The following MMRN1 variants were observed in gnomAD, a reference collection of about 807,000 sequenced individuals.
MMRN1 encodes the protein multimerin-1.
Under a neutral mutation model 100.7 loss-of-function variants are expected in MMRN1, and 94 were observed. The observed-to-expected ratio is 0.93, with a 90% CI of 0.79 to 1.11. MMRN1 has a LOEUF of 1.11. Among genes scored for constraint, MMRN1 ranks in the 50% least tolerant of loss-of-function variants. MMRN1 has a pLI of 0.00. For missense variants in MMRN1, 1,606 were observed against 1,439.1 expected (o/e 1.12, Z -1.88); for synonymous variants, 575 against 505.0 (o/e 1.14, Z -1.86).
At chr4:89,913,008 T>A (rs1430937156) in intron 3 of MMRN1, among the ~76,000 whole-genome samples, 1 of 151,250 alleles carries the variant, frequency 6.6e-6, no homozygotes, top group Non-Finnish European at 1.5e-5. Flanking sequence ...GACTACAGAA[T>A]GAATATGTAC....
intron 1 of MMRN1, among the ~76,000 whole-genome samples, chr4:89,907,740 A>T (rs75260318): frequency 6.6e-6 from 1 of 150,886 alleles, no homozygotes; most frequent in East Asian, 1.9e-4. Context: ...TTTAATTCAC[A>T]TATTGTATAC....
intron 4 of MMRN1, among the ~76,000 whole-genome samples, chr4:89,925,537 T>C (rs1022291814): frequency 1.3e-5 from 2 of 150,246 alleles, no homozygotes; most frequent in African/African-American, 4.9e-5. Context: ...AATTAAAAAT[T>C]TAAGTGGTTT....
intron 1 of MMRN1, among the ~76,000 whole-genome samples, chr4:89,905,050 G>T (rs1054090461): frequency 6.6e-5 from 10 of 151,560 alleles, no homozygotes; most frequent in African/African-American, 2.4e-4. Context: ...GACTTATAGA[G>T]TTGAGAATGA....
intron 1 of MMRN1, among the ~76,000 whole-genome samples, chr4:89,880,194 G>A (rs778997427): frequency 6.6e-6 from 1 of 152,136 alleles, no homozygotes; most frequent in East Asian, 1.9e-4. Context: ...TAAGTTGGGG[G>A]AGAAGGTTGA....
chr4:89,937,322 G>T (rs1459942713), intron 6 of MMRN1, among the ~76,000 whole-genome samples: 3 of 152,004 alleles, frequency 2.0e-5, no homozygotes, highest in African/African-American at 7.2e-5. Context: ...CTGAAAATTG[G>T]TATCAGTGGA....
At chr4:89,906,835 C>T (rs1721579312) in intron 1 of MMRN1, among the ~76,000 whole-genome samples, 1 of 151,482 alleles carries the variant, frequency 6.6e-6, no homozygotes, top group African/African-American at 2.4e-5. Context: ...GAGCAGTCTG[C>T]TGATCTGCTT....
chr4:89,935,673 T>C lies in MMRN1; in HGVS notation c.1993T>C (p.Tyr665His), dbSNP rs1371971562. 1.2e-5 allele frequency: 20 copies of C among 1,613,212 alleles called. No homozygotes were observed. Among genetic ancestry groups the C allele is most frequent in the Non-Finnish European group, 1.5e-5 (18 of 1,179,660 alleles). The change falls in exon 6 of 8, where the codon TAT (tyrosine) becomes CAT (histidine). Residue 665 changes from tyrosine to histidine, a missense_variant. Physicochemically the swap from Tyr to His is moderately conservative, Grantham distance 83. Coordinates refer to ENST00000264790, the MANE Select transcript of MMRN1 (RefSeq NM_007351.3). Reference protein sequence around the residue: ...QGASLRQTMTYEQPKEAIVIR... With the variant: ...QGASLRQTMTHEQPKEAIVIR... The stretch of plus-strand genomic sequence containing the variant: ...AGCATCACTCAGACAGACAATGACA[T>C]ATGAACAACCAAAGGAAGCAATAGT...
intron 1 of MMRN1, among the ~76,000 whole-genome samples, chr4:89,905,805 G>A (rs1428726164): frequency 6.6e-6 from 1 of 151,418 alleles, no homozygotes; most frequent in Admixed American, 6.6e-5. Context: ...TTATGGTGGC[G>A]ATTTTATTGT....
intron 6 of MMRN1, among the ~76,000 whole-genome samples, chr4:89,945,214 T>C (rs1489850917): frequency 6.6e-6 from 1 of 152,210 alleles, no homozygotes; most frequent in East Asian, 1.9e-4. Flanking sequence ...GTGTATAGTA[T>C]AAATATACAA....
chr4:89,934,952 G>A lies in MMRN1; in HGVS notation c.1272G>A (p.Arg424=), dbSNP rs1560593985. 2.5e-6 allele frequency: 4 copies of A among 1,613,700 alleles called. No homozygotes were observed. The highest frequency in any genetic ancestry group is 3.4e-6 in the Non-Finnish European group (4 of 1,179,786). ...TATCAGAGGACCTCGAAAGCACCAG[G>A]CAAATAATTCAAAAAGTTAATGAAT... is the stretch of plus-strand genomic sequence containing the variant. The part of the protein sequence containing the change: ...SSLSEDLEST[R]QIIQKVNESV... The change falls in exon 6 of 8, where the codon AGG becomes AGA. Residue 424 remains arginine, a synonymous_variant. Transcript: ENST00000264790.
chr4:89,923,550 A>C (rs144508424), intron 4 of MMRN1, among the ~76,000 whole-genome samples: 2 of 152,344 alleles, frequency 1.3e-5, no homozygotes, highest in East Asian at 3.9e-4. Flanking sequence ...CAGTTTTCCA[A>C]AATAAGACCA....
Position 89,936,584 on chromosome 4 carries a change from A to G in MMRN1, c.2904A>G (p.Glu968=), listed in dbSNP as rs1336840456. ...LLQKGLTEFV[E]PIIQIKTQAA... ...AGAAAGGTCTAACAGAATTTGTGGAACCAATAATTCAAATAAAAACTCAAG... is the reference window on the plus strand; with the variant it reads ...AGAAAGGTCTAACAGAATTTGTGGAGCCAATAATTCAAATAAAAACTCAAG... Residue 968 remains glutamate, a synonymous_variant, in exon 6 of 8, where the codon GAA becomes GAG. Coordinates refer to ENST00000264790, the MANE Select transcript of MMRN1 (RefSeq NM_007351.3). 1 of 1,611,856 alleles carries G rather than the reference A, an allele frequency of 6.2e-7. No homozygotes were observed. Among genetic ancestry groups the G allele is most frequent in the East Asian group, 2.2e-5 (1 of 44,816 alleles).
intron 5 of MMRN1, among the ~76,000 whole-genome samples, chr4:89,929,665 CACTCACAGCAACAGCATTAATAATGAA>C (rs747641796): frequency 2.6e-5 from 4 of 152,062 alleles, no homozygotes; most frequent in Non-Finnish European, 5.9e-5. Flanking sequence ...AAAAATCACA[CACTCACAGCAACAGCATTAATAATGAA>C]ACTCCCTCCG....
rs768626077 is a variant in MMRN1 at position 89,895,157 on chromosome 4, G to C, written c.186G>C (p.Ser62=). The change falls in exon 1 of 8, where the codon TCG becomes TCC. Residue 62 remains serine, a synonymous_variant. Transcript: ENST00000264790. ...LQILPTTRVM[S]AEIATTPEAR... ...TACTGCCAACCACTCGGGTCATGTC[G>C]GCGGAGATAGCTACAACTCCAGAGG... 16 of 1,613,620 alleles carry C rather than the reference G, an allele frequency of 9.9e-6. No homozygotes were observed. In the Admixed American group the frequency reaches 2.7e-4, roughly 27 times the overall value.
upstream of MMRN1, among the ~76,000 whole-genome samples, chr4:89,891,507 C>A (rs1384300827): frequency 6.6e-6 from 1 of 152,146 alleles, no homozygotes; most frequent in East Asian, 1.9e-4. Flanking sequence ...ATGAGTATAA[C>A]AAGAATAGAA....
intron 4 of MMRN1, among the ~76,000 whole-genome samples, chr4:89,923,827 G>A (rs957593987): frequency 1.6e-4 from 24 of 152,256 alleles, no homozygotes; most frequent in Admixed American, 1.6e-3. Context: ...CAAACATAAG[G>A]TTGGTTACTG....
rs1578498232 is a variant in MMRN1 at position 89,938,044 on chromosome 4, C to A, written c.3118+1246C>A. 2.0e-5 allele frequency among the ~76,000 whole-genome samples: 3 copies of A among 151,624 alleles called. No homozygotes were observed. The East Asian group carries it at 5.8e-4, about 29-fold the overall frequency. ...TATGAGTCTGCTGTTAAATTATAGC[C>A]CATTTGTATGAATTTTGTACTTTAT... On this transcript the variant is annotated intron_variant, in intron 6 of 7. Coordinates refer to ENST00000264790, the MANE Select transcript of MMRN1 (RefSeq NM_007351.3).
At chr4:89,946,303 C>T (rs1722983222) in intron 6 of MMRN1, among the ~76,000 whole-genome samples, 2 of 152,136 alleles carry the variant, frequency 1.3e-5, no homozygotes, top group South Asian at 4.1e-4. Context: ...ACAGGCAAAA[C>T]GATAAGTTCC....
At chr4:89,913,793 T>C (rs1273718474) in intron 3 of MMRN1, among the ~76,000 whole-genome samples, 1 of 151,312 alleles carries the variant, frequency 6.6e-6, no homozygotes, top group Non-Finnish European at 1.5e-5. Flanking sequence ...AATAGTGTAA[T>C]TGGAACCACT....
Sources: allele counts gnomAD v4.1 joint callset (sites outside exome capture counted in the v4.1 genomes callset), GRCh38; gene constraint gnomAD v4.1.1; transcripts MANE v1.5; gene names NCBI Gene and HGNC (gene_info 2026-07-23, HGNC 2026-07-21).